Variants in SCML2 observed in about 807,000 individuals in gnomAD.
The protein encoded by SCML2 is Scm polycomb group protein like 2, also known as sex comb on midleg-like protein 2.
In SCML2, 6 loss-of-function variants were observed where a neutral mutation model predicts 48.4. The ratio of observed to expected loss-of-function variants is 0.12; its 90% confidence interval spans 0.07 to 0.24. The LOEUF (loss-of-function observed/expected upper bound fraction) is 0.24, where lower values mean the gene tolerates loss of function less well. Ranked by LOEUF, SCML2 falls within the 10% of genes least tolerant of loss-of-function variation. The pLI, the probability that SCML2 is intolerant of heterozygous loss-of-function variation, is 1.00. For missense variants in SCML2, 377 were observed against 528.2 expected, an observed-to-expected ratio of 0.71 and a Z score of 2.81; for synonymous variants, 181 against 189.5, an observed-to-expected ratio of 0.95 and a Z score of 0.37.
chrX:18,258,741 A>G, intron 9 of SCML2, among the ~76,000 whole-genome samples: 1 of 111,267 alleles, frequency 9.0e-6, no homozygotes, highest in Non-Finnish European at 1.9e-5. Flanking sequence ...TTTAAGATAT[A>G]TATAACAAGT....
chrX:18,328,014 T>A (rs186619622), intron 3 of SCML2, among the ~76,000 whole-genome samples: 2 of 112,027 alleles, frequency 1.8e-5, no homozygotes, highest in Admixed American at 1.9e-4. Flanking sequence ...CAGTATTCTA[T>A]CTCAGAAGAG....
chrX:18,288,973 G>A (rs1928146894), intron 7 of SCML2, among the ~76,000 whole-genome samples: 1 of 111,702 alleles, frequency 9.0e-6, no homozygotes, highest in South Asian at 3.7e-4. Flanking sequence ...GGACTGTAGA[G>A]ACAGTGATCA....
intron 6 of SCML2, among the ~76,000 whole-genome samples, chrX:18,318,328 A>C (rs1432222467): frequency 8.9e-6 from 1 of 112,725 alleles, no homozygotes; most frequent in Non-Finnish European, 1.9e-5. Flanking sequence ...TTATGCCTTC[A>C]ATCTTCTTCA....
chrX:18,290,020 T>A (rs1928179659), intron 7 of SCML2, among the ~76,000 whole-genome samples: 1 of 111,741 alleles, frequency 8.9e-6, no homozygotes, highest in South Asian at 3.7e-4. Flanking sequence ...TACATTTTTT[T>A]AAAACATCAA....
At position 18,246,796 on chromosome X, in the gene SCML2, G is replaced by A. The variant is rs368279905; in HGVS notation, c.1603C>T (p.Pro535Ser). 6 of 1,204,124 alleles carry A rather than the reference G, an allele frequency of 5.0e-6. No homozygotes were observed. In the African/African-American group the frequency reaches 1.1e-4, roughly 21 times the overall value. ...EPLFAGGSAI[P>S]KEENLSEDSK... Reference sequence around the variant, plus strand: ...TCTTCTGAAAGATTCTCCTCTTTGGGAATGGCACTTCCCCCAGCAAACAAT... The same window carrying A: ...TCTTCTGAAAGATTCTCCTCTTTGGAAATGGCACTTCCCCCAGCAAACAAT... The change falls in exon 13 of 15, where the codon CCC becomes TCC. Residue 535 changes from proline to serine, a missense_variant. Physicochemically the swap from Pro to Ser is moderately conservative, Grantham distance 74 (BLOSUM62 -1). Around this residue, in one of 3 missense-constraint regions of SCML2, gnomAD observed 299 missense variants for 425.5 expected, o/e 0.70. Transcript: ENST00000251900.
rs747064959 is a variant in SCML2, at chrX:18,337,355, CA to C, written c.-24-3261del. 9.8e-3 allele frequency among the ~76,000 whole-genome samples: 271 copies of C among 27,750 alleles called. 3 individuals carry two copies. The highest frequency in any genetic ancestry group is 0.031 in the African/African-American group (215 of 7,029). The allele number at this position is 27,750 out of a possible 115,157, so 24.1% of individuals were successfully genotyped here. A position where few individuals can be genotyped will look rare whatever the true frequency, so the allele number is the denominator to read the frequency against. ...AAAACAACCAATTGTATGTTGGCTA[CA>C]AAAAAAAAAAAAAAAACTTTAAATA... On this transcript the variant is annotated intron_variant, in intron 1 of 14. Transcript: ENST00000251900.
intron 7 of SCML2, among the ~76,000 whole-genome samples, chrX:18,279,342 G>C (rs1953244959): frequency 8.9e-6 from 1 of 112,694 alleles, no homozygotes; most frequent in South Asian, 3.6e-4. Context: ...ACAGGGCACT[G>C]GCCCCTTGAA....
Position 18,258,156 on chromosome X carries a change from C to G in SCML2, c.1161G>C (p.Pro387=), listed in dbSNP as rs759748685. Residue 387 remains proline (P), a synonymous_variant, in exon 10 of 15, where the codon CCG becomes CCC. Coordinates refer to ENST00000251900, the MANE Select transcript of SCML2 (RefSeq NM_006089.3). The part of the protein sequence containing the change: ...QQLPDHFGPG[P]VNVVLRRIVQ... ...CAATCCGGCGAAGCACCACATTCACCGGGCCCGGGCCGAAGTGGTCAGGCA... is the reference window on the plus strand; with the variant it reads ...CAATCCGGCGAAGCACCACATTCACGGGGCCCGGGCCGAAGTGGTCAGGCA... 3 of 1,211,298 alleles carry G rather than the reference C, an allele frequency of 2.5e-6. No homozygotes were observed. Among genetic ancestry groups the G allele is most frequent in the South Asian group, 1.8e-5 (1 of 56,952 alleles).
chrX:18,283,313 C>G (rs180971746), intron 7 of SCML2, among the ~76,000 whole-genome samples: 1 of 111,761 alleles, frequency 8.9e-6, no homozygotes, highest in Admixed American at 9.5e-5. Flanking sequence ...ATAATAAGTG[C>G]CATCTATGAC....
intron 6 of SCML2, among the ~76,000 whole-genome samples, chrX:18,318,819 G>A (rs1983440818): frequency 8.9e-6 from 1 of 112,045 alleles, no homozygotes. Flanking sequence ...GTGGGTTATT[G>A]TAATTGAGAC....
At chrX:18,344,303 C>T (rs1930131011) in intron 1 of SCML2, among the ~76,000 whole-genome samples, 1 of 112,488 alleles carries the variant, frequency 8.9e-6, no homozygotes, top group African/African-American at 3.2e-5. Context: ...TCATCTTTGA[C>T]TCCCCTCCTC....
chrX:18,352,447 T>C (rs984303477), intron 1 of SCML2, among the ~76,000 whole-genome samples: 8 of 111,952 alleles, frequency 7.1e-5, no homozygotes, highest in East Asian at 2.8e-4. Flanking sequence ...AAGTCAGAAA[T>C]AGTTTGCAGC....
intron 8 of SCML2, among the ~76,000 whole-genome samples, chrX:18,264,554 A>ATAC (rs1438438905): frequency 9.1e-6 from 1 of 109,918 alleles, no homozygotes; most frequent in Non-Finnish European, 1.9e-5. Context: ...TATCTGGGTT[A>ATAC]TACTTGGGTC....
intron 8 of SCML2, among the ~76,000 whole-genome samples, chrX:18,265,261 A>G (rs1927217750): frequency 8.9e-6 from 1 of 112,403 alleles, no homozygotes; most frequent in African/African-American, 3.2e-5. Context: ...GAGGTATAAT[A>G]TATGTACAGT....
intron 6 of SCML2, among the ~76,000 whole-genome samples, chrX:18,309,211 A>AC (rs1397508243): frequency 1.8e-5 from 2 of 109,175 alleles, no homozygotes; most frequent in African/African-American, 6.7e-5. Context: ...AAAAAAAAAA[A>AC]AAAAAAACCC....
At chrX:18,264,422 T>C (rs2147480310) in intron 8 of SCML2, among the ~76,000 whole-genome samples, 1 of 98,049 alleles carries the variant, frequency 1.0e-5, no homozygotes, top group East Asian at 3.3e-4. Flanking sequence ...GTCTTTTTAA[T>C]CAGTACGATT....
chrX:18,260,354 G>A, intron 8 of SCML2, 63 bp from the exon 9 acceptor site: 1 of 862,115 alleles, frequency 1.2e-6, no homozygotes, highest in South Asian at 3.6e-5. Context: ...TCTTAGATAA[G>A]AAAGTCAGAA....
intron 7 of SCML2, among the ~76,000 whole-genome samples, chrX:18,300,293 G>C (rs1602117215): frequency 1.9e-5 from 2 of 104,506 alleles, no homozygotes; most frequent in South Asian, 8.9e-4. Flanking sequence ...CCAGCTACTT[G>C]GGGAGCTGAG....
At chrX:18,294,218 G>C (rs951369751) in intron 7 of SCML2, among the ~76,000 whole-genome samples, 1 of 111,373 alleles carries the variant, frequency 9.0e-6, no homozygotes, top group Non-Finnish European at 1.9e-5. Context: ...CCACAAAGAA[G>C]AACCAAAATA....
Sources: gnomAD v4.1 joint callset for allele counts (sites outside exome capture counted in the v4.1 genomes callset) on GRCh38, gnomAD v4.1.1 for gene constraint, gnomAD v4.1.1 regional missense constraint, MANE v1.5 for transcripts, NCBI Gene and HGNC (gene_info 2026-07-23, HGNC 2026-07-21) for gene names.